PPARGC1A: variants seen among roughly 807,000 people sequenced by gnomAD.
PPARGC1A encodes the protein PPARG coactivator 1 alpha.
PPARGC1A carries 25 observed loss-of-function variants against 88.7 expected under a neutral mutation model. The observed-to-expected ratio is 0.28, with a 90% CI of 0.21 to 0.39. PPARGC1A has a LOEUF of 0.39. Among genes scored for constraint, PPARGC1A ranks in the 10% least tolerant of loss-of-function variants. The probability of loss-of-function intolerance (pLI) is 1.00; values close to 1 mark genes in which losing one functional copy is unlikely to be tolerated. For synonymous variants in PPARGC1A, 363 were observed against 355.6 expected, an observed-to-expected ratio of 1.02 and a Z score of -0.24; for missense variants, 880 against 968.7, an observed-to-expected ratio of 0.91 and a Z score of 1.22.
At chr4:23,948,052 T>G in the PPARGC1A span, among the ~76,000 whole-genome samples, 1 of 152,098 alleles carries the variant, frequency 6.6e-6, no homozygotes, top group African/African-American at 2.4e-5. Flanking sequence ...TTCGCATGCC[T>G]TCTGAATTCT....
chr4:23,906,027 C>T (rs1719987510), upstream of PPARGC1A, among the ~76,000 whole-genome samples: 1 of 152,126 alleles, frequency 6.6e-6, no homozygotes, highest in African/African-American at 2.4e-5. Context: ...CAAAGATGAG[C>T]ACAGCCAACA....
chr4:24,177,055 G>A, the PPARGC1A span, among the ~76,000 whole-genome samples: 6 of 152,282 alleles, frequency 3.9e-5, no homozygotes, highest in African/African-American at 1.4e-4. Context: ...GGAAGTCAGT[G>A]TGGTGATTCC....
At chr4:23,939,666 T>C in the PPARGC1A span, among the ~76,000 whole-genome samples, 2 of 152,304 alleles carry the variant, frequency 1.3e-5, no homozygotes, top group Admixed American at 6.5e-5. Context: ...AACTTAGAAG[T>C]TATAGAGATC....
At chr4:24,203,082 A>C in the PPARGC1A span, among the ~76,000 whole-genome samples, 1 of 152,246 alleles carries the variant, frequency 6.6e-6, no homozygotes, top group Non-Finnish European at 1.5e-5. Flanking sequence ...GGCAGCTCTG[A>C]AAAGGAATCA....
chr4:24,416,925 G>A, the PPARGC1A span, among the ~76,000 whole-genome samples: 1 of 152,114 alleles, frequency 6.6e-6, no homozygotes, highest in Non-Finnish European at 1.5e-5. Context: ...CAGCTACTCG[G>A]GAGGCTGAGG....
the PPARGC1A span, among the ~76,000 whole-genome samples, chr4:24,373,960 A>C: frequency 6.6e-6 from 1 of 152,246 alleles, no homozygotes; most frequent in East Asian, 1.9e-4. Context: ...CACTGAGCAC[A>C]GACACACAGA....
At chr4:24,395,403 A>C in the PPARGC1A span, among the ~76,000 whole-genome samples, 2,594 of 152,264 alleles carry the variant, frequency 0.017, 58 homozygotes, top group African/African-American at 0.059. Context: ...TGCTCACTTA[A>C]ATAATATAGT....
At chr4:24,333,927 CCAACAACAA>C in the PPARGC1A span, among the ~76,000 whole-genome samples, 145 of 75,526 alleles carry the variant, frequency 1.9e-3, 1 homozygote, top group African/African-American at 7.3e-3. Flanking sequence ...GAGGAAGACT[CCAACAACAA>C]CAACAAAAAA....
At chr4:23,812,186 A>ACC (rs1721035000) in intron 10 of PPARGC1A, among the ~76,000 whole-genome samples, 1 of 151,762 alleles carries the variant, frequency 6.6e-6, no homozygotes, top group Non-Finnish European at 1.5e-5. Context: ...TAAGTGATCC[A>ACC]CATGCCTTGG....
the PPARGC1A span, among the ~76,000 whole-genome samples, chr4:23,947,082 C>A: frequency 1.3e-5 from 2 of 151,924 alleles, no homozygotes; most frequent in South Asian, 4.2e-4. Flanking sequence ...TATCTACTGT[C>A]CCCCCACTGG....
the PPARGC1A span, among the ~76,000 whole-genome samples, chr4:24,463,249 C>T: frequency 1.2e-4 from 19 of 152,230 alleles, no homozygotes; most frequent in Admixed American, 8.5e-4. Context: ...TAGAAATAAT[C>T]AAAATTAAAT....
At chr4:24,195,963 G>T in the PPARGC1A span, among the ~76,000 whole-genome samples, 3 of 152,212 alleles carry the variant, frequency 2.0e-5, no homozygotes, top group African/African-American at 7.2e-5. Flanking sequence ...TTTACAAGTT[G>T]GGAAGTCAGG....
intron 7 of PPARGC1A, among the ~76,000 whole-genome samples, chr4:23,819,567 C>T (rs1268831914): frequency 6.6e-6 from 1 of 152,052 alleles, no homozygotes; most frequent in Non-Finnish European, 1.5e-5. Flanking sequence ...ATTGCCAAAC[C>T]CCAAAGCTGA....
the PPARGC1A span, among the ~76,000 whole-genome samples, chr4:24,033,599 G>A: frequency 0.014 from 2,111 of 152,182 alleles, 23 homozygotes; most frequent in Non-Finnish European, 0.021. Flanking sequence ...ACACATCCTT[G>A]TCTCTGACAT....
At chr4:24,245,894 T>G in the PPARGC1A span, among the ~76,000 whole-genome samples, 2 of 151,224 alleles carry the variant, frequency 1.3e-5, no homozygotes, top group Non-Finnish European at 2.9e-5. Context: ...AGTACATGGT[T>G]TGTTTGCTGA....
the PPARGC1A span, among the ~76,000 whole-genome samples, chr4:24,459,026 GA>G: frequency 1.3e-5 from 2 of 150,554 alleles, no homozygotes; most frequent in East Asian, 3.9e-4. Context: ...ACTTTTCTAA[GA>G]AAAAAAATCC....
chr4:23,849,013 G>A (rs1006445413), intron 2 of PPARGC1A, among the ~76,000 whole-genome samples: 1 of 152,042 alleles, frequency 6.6e-6, no homozygotes, highest in Non-Finnish European at 1.5e-5. Flanking sequence ...GCGTGGTAGC[G>A]GGCGCCTGTA....
the PPARGC1A span, among the ~76,000 whole-genome samples, chr4:24,299,298 TA>T: frequency 1.3e-5 from 2 of 152,158 alleles, no homozygotes; most frequent in Non-Finnish European, 2.9e-5. Context: ...CTTTTGCTAT[TA>T]AAAATTATTC....
chr4:24,347,422 T>C, the PPARGC1A span, among the ~76,000 whole-genome samples: 4 of 152,342 alleles, frequency 2.6e-5, no homozygotes, highest in African/African-American at 7.2e-5. Context: ...AATTGTTTTA[T>C]AAATTTGGGA....
Sources: allele counts gnomAD v4.1 joint callset (sites outside exome capture counted in the v4.1 genomes callset), GRCh38; gene constraint gnomAD v4.1.1; transcripts MANE v1.5; gene names NCBI Gene and HGNC (gene_info 2026-07-23, HGNC 2026-07-21).